The following CHD8 variants were observed in gnomAD, a reference collection of about 807,000 sequenced individuals.
CHD8 encodes ATP-dependent chromatin remodeler CHD8.
In CHD8, 31 loss-of-function variants were observed where a neutral mutation model predicts 279.2. The observed-to-expected ratio is 0.11, with a 90% CI of 0.08 to 0.15. The LOEUF (loss-of-function observed/expected upper bound fraction) is 0.15, where lower values mean the gene tolerates loss of function less well. Among genes scored for constraint, CHD8 ranks in the 10% least tolerant of loss-of-function variants. The pLI is 1.00. For synonymous variants in CHD8, 1,081 were observed against 1,139.6 expected, an observed-to-expected ratio of 0.95 and a Z score of 1.04; for missense variants, 2,146 against 3,230.5, an observed-to-expected ratio of 0.66 and a Z score of 8.14.
chr14:21,453,740 GACAA>G (rs1356474042), intron 1 of CHD8, among the ~76,000 whole-genome samples: 1 of 151,846 alleles, frequency 6.6e-6, no homozygotes, highest in African/African-American at 2.4e-5. Flanking sequence ...CAGAGCTGTA[GACAA>G]ACAGTTCACT....
rs776012561 is a variant in CHD8 at position 21,415,538 on chromosome 14, T to TAAATAAAA, written c.1968+28_1968+35dup. The TAAATAAAA allele has an allele frequency of 3.8e-6, 4 of 1,048,734 alleles. No individual in the cohort carries two copies. The Admixed American group carries it at 1.1e-4, about 28-fold the overall frequency. 65.0% of individuals were successfully genotyped at this position (1,048,734 alleles called of 1,614,324 possible). On this transcript the variant is annotated intron_variant, in intron 7 of 37. Transcript: ENST00000646647. Reference sequence around the variant, plus strand: ...ATAAATAAATAAATAAATAAATAAATAAATAAAAATAATAATAATAATAAA... The same window carrying TAAATAAAA: ...ATAAATAAATAAATAAATAAATAAATAAATAAAAAAATAAAAATAATAATAATAATAAA...
rs1304628964 is a variant in CHD8, at chr14:21,405,138, C to T, written c.3307+71G>A. On this transcript the variant is annotated intron_variant, in intron 16 of 37. Coordinates refer to ENST00000646647, the MANE Select transcript of CHD8 (RefSeq NM_001170629.2). This position sits in a 1 kb window ranked among gnomAD's most constrained non-coding sequence, Gnocchi z 4.2. ...GGTTGAGTCAATGCATCCATTGTCC[C>T]CAAGGAGAATCATCCGGAAAGTAAA... The T allele has an allele frequency of 2.6e-6, 4 of 1,509,770 alleles. No homozygotes were observed. The highest frequency in any genetic ancestry group is 2.7e-5 in the African/African-American group (2 of 72,892). 93.5% of individuals were successfully genotyped at this position (1,509,770 alleles called of 1,614,324 possible).
Position 21,385,568 on chromosome 14 carries a change from T to G in CHD8, c.*45A>C. On this transcript the variant is annotated 3_prime_UTR_variant, in exon 38 of 38. Coordinates refer to ENST00000646647, the MANE Select transcript of CHD8 (RefSeq NM_001170629.2). ...TCCATAGTCCAAGGGCCAGAGTAAA[T>G]GAAAATACAGCAGCCGCCCAAGCAA... The G allele has an allele frequency of 6.6e-7, 1 of 1,519,238 alleles. No homozygotes were observed. Among genetic ancestry groups the G allele is most frequent in the South Asian group, 1.3e-5 (1 of 79,020 alleles). 94.1% of individuals were successfully genotyped at this position (1,519,238 alleles called of 1,614,324 possible).
At chr14:21,414,759 T>C in intron 8 of CHD8, 179 bp downstream of exon 8, 1 of 652,470 alleles carries the variant, frequency 1.5e-6, no homozygotes. Context: ...TACAAGGAAA[T>C]AATAAGAGTC....
At chr14:21,413,395 C>CTTT (rs577919700) in intron 9 of CHD8, among the ~76,000 whole-genome samples, 1 of 141,294 alleles carries the variant, frequency 7.1e-6, no homozygotes, top group East Asian at 2.0e-4. Flanking sequence ...ATACCTAAAC[C>CTTT]TTTTTTTTTT....
chr14:21,454,382 A>G (rs188377213), intron 1 of CHD8, among the ~76,000 whole-genome samples: 1 of 152,264 alleles, frequency 6.6e-6, no homozygotes, highest in African/African-American at 2.4e-5. Context: ...CAGGGGCACG[A>G]TCTTGGCTCA....
Position 21,452,708 on chromosome 14 carries a change from G to A in CHD8, c.-216+3324C>T, listed in dbSNP as rs919117253. Among the ~76,000 whole-genome samples the A allele has an allele frequency of 1.1e-4, 17 of 151,648 alleles. No homozygotes were observed. In the South Asian group the frequency reaches 1.9e-3, roughly 17 times the overall value. On this transcript the variant is annotated intron_variant, in intron 1 of 37. Transcript: ENST00000646647. ...TTACATAGAAATACAACTGTCAGCC[G>A]GGCGCAGTGGCTGACGCCTGTAATC...
chr14:21,425,390 T>C (rs959446798), intron 5 of CHD8: 2 of 149,682 alleles, frequency 1.3e-5, no homozygotes, highest in African/African-American at 4.9e-5. Flanking sequence ...AATGGTACAA[T>C]CTCGGCTCAC....
rs1212071375 is a variant in CHD8, at chr14:21,430,921, G to A, written c.723C>T (p.Pro241=). 6.3e-7 allele frequency: 1 copy of A among 1,599,372 alleles called. No homozygotes were observed. The highest frequency in any genetic ancestry group is 1.3e-5 in the African/African-American group (1 of 74,938). The change falls in exon 2 of 38, where the codon CCC becomes CCT. Residue 241 remains proline (P), a synonymous_variant. Coordinates refer to ENST00000646647, the MANE Select transcript of CHD8 (RefSeq NM_001170629.2). The part of the protein sequence containing the change: ...NQAAVQRIVQ[P]SRPVKQLVLQ... The stretch of plus-strand genomic sequence containing the variant: ...GGACCAGCTGCTTTACTGGTCGGCT[G>A]GGCTGGACAATGCGCTGAACAGCAG...
chr14:21,453,097 CGAG>C (rs1301176821), intron 1 of CHD8, among the ~76,000 whole-genome samples: 1 of 151,668 alleles, frequency 6.6e-6, no homozygotes, highest in African/African-American at 2.4e-5. Context: ...TCACTTGAGC[CGAG>C]GAGTTCAAGA....
At chr14:21,427,544 G>GAGC (rs1479724868) in intron 4 of CHD8, 1 of 1,282,314 alleles carries the variant, frequency 7.8e-7, no homozygotes, top group Non-Finnish European at 1.0e-6. Flanking sequence ...CAATAGCAAG[G>GAGC]AGCACTCACT....
chr14:21,395,887 T>A lies in CHD8; in HGVS notation c.5057A>T (p.Asp1686Val). 2 of 1,609,276 alleles carry A rather than the reference T, an allele frequency of 1.2e-6. No individual in the cohort carries two copies. The highest frequency in any genetic ancestry group is 1.7e-6 in the Non-Finnish European group (2 of 1,175,950). ...DNFSDIVEGV[D>V]FDKDCEDPEY... ...AGGATCTTCACAATCTTTATCAAAGTCAACCCTAAAATTATGGAGAGGCAC... is the reference window on the plus strand; with the variant it reads ...AGGATCTTCACAATCTTTATCAAAGACAACCCTAAAATTATGGAGAGGCAC... The change falls in exon 28 of 38, where the codon GAC becomes GTC. Residue 1686 changes from aspartate to valine, a missense_variant. Asp to Val is a radical substitution (Grantham distance 152, BLOSUM62 -3). Transcript: ENST00000646647.
intron 20 of CHD8, 200 bp from the exon 21 acceptor site, chr14:21,401,713 T>C (rs1347406976): frequency 1.3e-4 from 77 of 580,148 alleles, no homozygotes; most frequent in Non-Finnish European, 6.2e-5. Flanking sequence ...GCCTCCCGAG[T>C]AGCTGGGACG....
intron 1 of CHD8, among the ~76,000 whole-genome samples, chr14:21,454,290 C>T (rs1890332853): frequency 6.6e-6 from 1 of 152,038 alleles, no homozygotes; most frequent in Non-Finnish European, 1.5e-5. Flanking sequence ...TGTTCAAGTA[C>T]TCATACACTG....
rs1255709018 is a variant in CHD8, at chr14:21,414,977, T to C, written c.1985A>G (p.Tyr662Cys). 1.3e-6 allele frequency: 2 copies of C among 1,597,652 alleles called. No homozygotes were observed. The highest frequency in any genetic ancestry group is 3.5e-5 in the Admixed American group (2 of 57,740). Reference sequence around the variant, plus strand: ...GACAAAGAATTCTTCTGCTTCAGTATATTGTCCAGAAGGGAGCTAAGAAAA... The same window carrying C: ...GACAAAGAATTCTTCTGCTTCAGTACATTGTCCAGAAGGGAGCTAAGAAAA... ...IVKKELPSGQ[Y>C]TEAEEFFVKY... The change falls in exon 8 of 38, where the codon TAT (tyrosine) becomes TGT (cysteine). Residue 662 changes from tyrosine (Y) to cysteine (C), a missense_variant. This residue lies in a region of CHD8 where 24 missense variants were observed against 56.7 expected (regional missense o/e 0.42). Coordinates refer to ENST00000646647, the MANE Select transcript of CHD8 (RefSeq NM_001170629.2).
chr14:21,440,602 A>C (rs1476696555), intron 1 of CHD8, among the ~76,000 whole-genome samples: 4 of 152,218 alleles, frequency 2.6e-5, no homozygotes, highest in Non-Finnish European at 5.9e-5. Flanking sequence ...GGACAGGAAG[A>C]GGGAAGGCAA....
At position 21,414,928 on chromosome 14, in the gene CHD8, G is replaced by A. The variant is rs752651703; in HGVS notation, c.2024+10C>T. On this transcript the variant is annotated intron_variant, in intron 8 of 37. Coordinates refer to ENST00000646647, the MANE Select transcript of CHD8 (RefSeq NM_001170629.2). ...TTTGGGGTGACAAGCTTTTTGCACAGATCACGTACTAGTTCTTGTACTTGA... is the reference window on the plus strand; with the variant it reads ...TTTGGGGTGACAAGCTTTTTGCACAAATCACGTACTAGTTCTTGTACTTGA... 1.5e-5 allele frequency: 24 copies of A among 1,598,234 alleles called. No individual in the cohort carries two copies. In the South Asian group the frequency reaches 1.8e-4, roughly 12 times the overall value.
rs1383426312 is a variant in CHD8, at chr14:21,397,951, G to A, written c.4923C>T (p.Gly1641=). Reference sequence around the variant, plus strand: ...CCCTCATGGTATTATATTTCTCATAGCCTAGAAGAAAAAGGGTCATAGTTG... The same window carrying A: ...CCCTCATGGTATTATATTTCTCATAACCTAGAAGAAAAAGGGTCATAGTTG... The part of the protein sequence containing the change: ...KSLLIGVFKH[G]YEKYNTMRAD... The change falls in exon 27 of 38, where the codon GGC becomes GGT. Residue 1641 remains glycine (G), a splice_region_variant and synonymous_variant. Coordinates refer to ENST00000646647, the MANE Select transcript of CHD8 (RefSeq NM_001170629.2). The A allele has an allele frequency of 6.2e-6, 10 of 1,603,684 alleles. No individual in the cohort carries two copies. Among genetic ancestry groups the A allele is most frequent in the African/African-American group, 1.3e-5 (1 of 74,656 alleles).
At chr14:21,397,202 C>T (rs1050164142) in intron 27 of CHD8, 20 of 393,774 alleles carry the variant, frequency 5.1e-5, no homozygotes, top group Non-Finnish European at 1.0e-4. Flanking sequence ...GAGGGTCCTA[C>T]ACTAGGCAAA....
Sources: allele counts gnomAD v4.1 joint callset (sites outside exome capture counted in the v4.1 genomes callset), GRCh38; gene constraint gnomAD v4.1.1; regional missense constraint gnomAD v4.1.1; non-coding constraint Gnocchi (gnomAD v3.1); transcripts MANE v1.5; gene names NCBI Gene and HGNC (gene_info 2026-07-23, HGNC 2026-07-21).